The following SH2B3 variants were observed in gnomAD, a reference collection of about 807,000 sequenced individuals.
SH2B3 encodes SH2B adapter protein 3.
SH2B3 carries 43 observed loss-of-function variants against 51.9 expected under a neutral mutation model. That is an observed-to-expected ratio of 0.83 (90% CI 0.65 to 1.07). SH2B3 has a LOEUF of 1.07. SH2B3 is among the 50% of genes least tolerant of loss of function. SH2B3 has a pLI of 0.00. For missense variants in SH2B3, 952 were observed against 834.3 expected, an observed-to-expected ratio of 1.14 and a Z score of -1.74; for synonymous variants, 396 against 376.0, an observed-to-expected ratio of 1.05 and a Z score of -0.62.
chr12:111,410,895 T>C lies in SH2B3; in HGVS notation c.-28+4618T>C, dbSNP rs1056383041. Among the ~76,000 whole-genome samples the C allele has an allele frequency of 6.6e-6, 1 of 152,206 alleles. No homozygotes were observed. Among genetic ancestry groups the C allele is most frequent in the Non-Finnish European group, 1.5e-5 (1 of 68,034 alleles). ...GGGTCTGGACTCTATGAACAGTTGG[T>C]GCTAGGCATGGGGAAGATAGAAATG... On this transcript the variant is annotated intron_variant, in intron 1 of 7. Transcript: ENST00000341259. This position sits in a 1 kb window ranked among gnomAD's most constrained non-coding sequence, Gnocchi z 4.9.
intron 2 of SH2B3, chr12:111,434,848 C>T: frequency 6.5e-7 from 1 of 1,531,920 alleles, no homozygotes; most frequent in Non-Finnish European, 8.7e-7. Context: ...GTTCAGTAAA[C>T]AGGAGCTAAA....
chr12:111,439,575 C>T (rs770801319), intron 2 of SH2B3, among the ~76,000 whole-genome samples: 5 of 151,970 alleles, frequency 3.3e-5, no homozygotes, highest in Non-Finnish European at 5.9e-5. Flanking sequence ...TGAGCCACTG[C>T]GCCCAGCCGG....
Position 111,446,798 on chromosome 12 carries a change from G to T in SH2B3, c.778G>T (p.Val260Phe), listed in dbSNP as rs1302775110. The change falls in exon 3 of 8, where the codon GTC (valine) becomes TTC (phenylalanine). Residue 260 changes from valine to phenylalanine, a missense_variant. Physicochemically the swap from Val to Phe is conservative, Grantham distance 50. Transcript: ENST00000341259. The stretch of plus-strand genomic sequence containing the variant: ...AGCAGCTTGCTCCAGCATCCAGGAG[G>T]TCCGGTGGTGCACACGGCTTGAGAT... ...LQAACSSIQEVRWCTRLEMPD... is the reference protein window; with the variant it reads ...LQAACSSIQEFRWCTRLEMPD... 1 of 1,569,648 alleles carries T rather than the reference G, an allele frequency of 6.4e-7. No individual in the cohort carries two copies. Among genetic ancestry groups the T allele is most frequent in the Non-Finnish European group, 8.7e-7 (1 of 1,154,978 alleles).
chr12:111,440,756 G>A (rs945862882), intron 2 of SH2B3, among the ~76,000 whole-genome samples: 3 of 152,222 alleles, frequency 2.0e-5, no homozygotes, highest in Non-Finnish European at 2.9e-5. Context: ...CCGAAAGATG[G>A]AAAAGGAAGA....
intron 1 of SH2B3, among the ~76,000 whole-genome samples, chr12:111,415,747 G>A (rs367921712): frequency 1.8e-4 from 26 of 147,164 alleles, no homozygotes; most frequent in African/African-American, 6.6e-4. Flanking sequence ...TCACCCTCCC[G>A]AGTAGCTGGC....
intron 2 of SH2B3, among the ~76,000 whole-genome samples, chr12:111,419,821 T>C (rs1423016373): frequency 6.6e-6 from 1 of 152,214 alleles, no homozygotes; most frequent in East Asian, 1.9e-4. Flanking sequence ...CTTTGCCAGT[T>C]TTCCTCTAAT....
chr12:111,449,537 C>G lies in SH2B3; in HGVS notation c.*1235C>G, dbSNP rs1874388802. The G allele has an allele frequency of 1.3e-5, 2 of 152,296 alleles. No homozygotes were observed. Among genetic ancestry groups the G allele is most frequent in the Admixed American group, 6.5e-5 (1 of 15,276 alleles). 9.4% of individuals were successfully genotyped at this position (152,296 alleles called of 1,614,324 possible). A position where few individuals can be genotyped will look rare whatever the true frequency, so the allele number is the denominator to read the frequency against. On this transcript the variant is annotated 3_prime_UTR_variant, in exon 8 of 8. Transcript: ENST00000341259. ...ATGGGCACACACAATCTCCACCATCCAGGGAGGTCCTGAAGTCAAATCTCT... is the reference window on the plus strand; with the variant it reads ...ATGGGCACACACAATCTCCACCATCGAGGGAGGTCCTGAAGTCAAATCTCT...
chr12:111,450,200 G>C lies in SH2B3; in HGVS notation c.*1898G>C, dbSNP rs1874449240. 1 of 152,268 alleles carries C rather than the reference G, an allele frequency of 6.6e-6. No individual in the cohort carries two copies. The highest frequency in any genetic ancestry group is 1.5e-5 in the Non-Finnish European group (1 of 68,136). 9.4% of individuals were successfully genotyped at this position (152,268 alleles called of 1,614,324 possible). The stretch of plus-strand genomic sequence containing the variant: ...GGCCTCCCAAAGTGCTGGGATTACA[G>C]GCGCGAGCCACCGCGCCCAGCCTAC... On this transcript the variant is annotated 3_prime_UTR_variant, in exon 8 of 8. Coordinates refer to ENST00000341259, the MANE Select transcript of SH2B3 (RefSeq NM_005475.3).
intron 2 of SH2B3, among the ~76,000 whole-genome samples, chr12:111,422,912 G>A (rs1022682864): frequency 2.0e-5 from 3 of 152,056 alleles, no homozygotes; most frequent in Non-Finnish European, 2.9e-5. Context: ...GGCCAGGCTG[G>A]TCTTGAACTC....
At position 111,407,928 on chromosome 12, in the gene SH2B3, G is replaced by A. The variant is rs1351675406; in HGVS notation, c.-28+1651G>A. Among the ~76,000 whole-genome samples the A allele has an allele frequency of 6.6e-6, 1 of 152,234 alleles. No individual in the cohort carries two copies. The highest frequency in any genetic ancestry group is 1.5e-5 in the Non-Finnish European group (1 of 68,048). ...GACTCTGCCCTCAGTTTCCCTCTGT[G>A]TAAAATGGGGGAGTAACAGGTTTGC... is the stretch of plus-strand genomic sequence containing the variant. On this transcript the variant is annotated intron_variant, in intron 1 of 7. Coordinates refer to ENST00000341259, the MANE Select transcript of SH2B3 (RefSeq NM_005475.3). The surrounding 1 kb of genome is among the most constrained non-coding windows in gnomAD (Gnocchi z 4.3).
chr12:111,447,499 G>A lies in SH2B3; in HGVS notation c.1191G>A (p.Arg397=). The change falls in exon 6 of 8, where the codon CGG becomes CGA. Residue 397 remains arginine, a synonymous_variant. Transcript: ENST00000341259. ...GVFLVRQSET[R]RGEYVLTFNF... ...TCCTGGTGCGGCAGAGCGAGACGCG[G>A]CGTGGGGAATACGTGCTCACTTTCA... is the stretch of plus-strand genomic sequence containing the variant. 1 of 1,611,394 alleles carries A rather than the reference G, an allele frequency of 6.2e-7. No homozygotes were observed. The highest frequency in any genetic ancestry group is 8.5e-7 in the Non-Finnish European group (1 of 1,179,762).
In SH2B3 at chr12:111,429,900, A is replaced by G. The variant is rs775051746; in HGVS notation, c.732+11023A>G. Reference sequence around the variant, plus strand: ...TAGGCCCCAGAACAGGCAGAGAGAAAGCACCCACCCTCCACCGTCAGAACG... The same window carrying G: ...TAGGCCCCAGAACAGGCAGAGAGAAGGCACCCACCCTCCACCGTCAGAACG... On this transcript the variant is annotated intron_variant, in intron 2 of 7. Transcript: ENST00000341259. This position sits in a 1 kb window ranked among gnomAD's most constrained non-coding sequence, Gnocchi z 4.4. 1.3e-4 allele frequency among the ~76,000 whole-genome samples: 20 copies of G among 152,112 alleles called. No homozygotes were observed. The highest frequency in any genetic ancestry group is 2.6e-4 in the Non-Finnish European group (18 of 68,014).
intron 2 of SH2B3, among the ~76,000 whole-genome samples, chr12:111,424,341 T>G (rs530422876): frequency 1.3e-5 from 2 of 152,176 alleles, no homozygotes; most frequent in South Asian, 4.2e-4. Context: ...GCCACGTGCC[T>G]GGCGCTGGGA....
chr12:111,416,643 G>A (rs1184014043), intron 1 of SH2B3, among the ~76,000 whole-genome samples: 5 of 152,022 alleles, frequency 3.3e-5, no homozygotes, highest in South Asian at 2.1e-4. Flanking sequence ...ACAGGCGCCC[G>A]CCACCACAGC....
At position 111,446,776 on chromosome 12, in the gene SH2B3, A is replaced by G; in HGVS notation, c.756A>G (p.Ala252=). 3 of 1,552,638 alleles carry G rather than the reference A, an allele frequency of 1.9e-6. No homozygotes were observed. Among genetic ancestry groups the G allele is most frequent in the Non-Finnish European group, 2.6e-6 (3 of 1,147,102 alleles). ...AGAGTTCAAGGCCCAAGCTACAAGC[A>G]GCTTGCTCCAGCATCCAGGAGGTCC... ...PPKSSRPKLQ[A]ACSSIQEVRW... The change falls in exon 3 of 8, where the codon GCA becomes GCG. Residue 252 remains alanine, a synonymous_variant. Coordinates refer to ENST00000341259, the MANE Select transcript of SH2B3 (RefSeq NM_005475.3).
rs760023280 is a variant in SH2B3 at position 111,446,749 on chromosome 12, G to A, written c.733-4G>A. 2.3e-5 allele frequency: 35 copies of A among 1,524,420 alleles called. No homozygotes were observed. Among genetic ancestry groups the A allele is most frequent in the East Asian group, 9.1e-5 (4 of 44,132 alleles). 94.4% of individuals were successfully genotyped at this position (1,524,420 alleles called of 1,614,324 possible). Reference sequence around the variant, plus strand: ...GCCTTGAGTACCCCAACTTGGTCTCGTAGAGTTCAAGGCCCAAGCTACAAG... The same window carrying A: ...GCCTTGAGTACCCCAACTTGGTCTCATAGAGTTCAAGGCCCAAGCTACAAG... On this transcript the variant is annotated splice_region_variant and splice_polypyrimidine_tract_variant and intron_variant, in intron 2 of 7. Coordinates refer to ENST00000341259, the MANE Select transcript of SH2B3 (RefSeq NM_005475.3).
intron 2 of SH2B3, chr12:111,434,849 A>C (rs1298963185): frequency 6.5e-7 from 1 of 1,532,376 alleles, no homozygotes; most frequent in East Asian, 2.5e-5. Flanking sequence ...TTCAGTAAAC[A>C]GGAGCTAAAA....
At chr12:111,447,890 C>A in intron 7 of SH2B3, 63 bp downstream of exon 7, 1 of 1,572,886 alleles carries the variant, frequency 6.4e-7, no homozygotes, top group Non-Finnish European at 8.7e-7. Flanking sequence ...TAGAGGCTTG[C>A]TGCAGACCCA....
chr12:111,405,378 G>A (rs1870167935), upstream of SH2B3, among the ~76,000 whole-genome samples: 1 of 147,632 alleles, frequency 6.8e-6, no homozygotes, highest in Admixed American at 6.7e-5. The surrounding 1 kb of genome is among the most constrained non-coding windows in gnomAD (Gnocchi z 5.4). Flanking sequence ...GTCGGGCAGG[G>A]CTGGGCTCCC....
Sources: gnomAD v4.1 joint callset for allele counts (sites outside exome capture counted in the v4.1 genomes callset) on GRCh38, gnomAD v4.1.1 for gene constraint, Gnocchi (gnomAD v3.1) non-coding constraint, MANE v1.5 for transcripts, NCBI Gene and HGNC (gene_info 2026-07-23, HGNC 2026-07-21) for gene names.